DPYSL5: variants seen among roughly 807,000 people sequenced by gnomAD.
DPYSL5 encodes the protein dihydropyrimidinase like 5.
DPYSL5 carries 9 observed loss-of-function variants against 58.4 expected under a neutral mutation model. The observed-to-expected ratio is 0.15, with a 90% CI of 0.09 to 0.27. The LOEUF (loss-of-function observed/expected upper bound fraction) is 0.27, where lower values mean the gene tolerates loss of function less well. DPYSL5 is among the 10% of genes least tolerant of loss of function. The pLI is 1.00. For synonymous variants in DPYSL5, 293 were observed against 301.9 expected, an observed-to-expected ratio of 0.97 and a Z score of 0.31; for missense variants, 499 against 770.6, an observed-to-expected ratio of 0.65 and a Z score of 4.17.
intron 1 of DPYSL5, among the ~76,000 whole-genome samples, chr2:26,878,775 C>G (rs1373537852): frequency 3.3e-5 from 5 of 152,226 alleles, no homozygotes; most frequent in Non-Finnish European, 7.3e-5. Flanking sequence ...ACTTTCCACC[C>G]TCATGCATCC....
rs898069737 is a variant in DPYSL5 at position 26,942,550 on chromosome 2, T to A, written c.1240T>A (p.Ser414Thr). The stretch of plus-strand genomic sequence containing the variant: ...CCATTGCCTCCCCACCAGGACCATC[T>A]CAGCCAGCACGCAGGTCCAGGGAGG... ...VWDPEATKTISASTQVQGGDF... is the reference protein window; with the variant it reads ...VWDPEATKTITASTQVQGGDF... The change falls in exon 11 of 13, where the codon TCA becomes ACA. Residue 414 changes from serine to threonine, a missense_variant. By Grantham distance (58) the Ser-to-Thr change is moderately conservative. Coordinates refer to ENST00000288699, the MANE Select transcript of DPYSL5 (RefSeq NM_020134.4). This position sits in a 1 kb window ranked among gnomAD's most constrained non-coding sequence, Gnocchi z 5.9. 6.2e-7 allele frequency: 1 copy of A among 1,613,938 alleles called. No individual in the cohort carries two copies. Among genetic ancestry groups the A allele is most frequent in the Admixed American group, 1.7e-5 (1 of 60,004 alleles).
In DPYSL5 at chr2:26,933,979, C is replaced by T. The variant is rs567460068; in HGVS notation, c.791-599C>T. ...GGGCATCTCAGCCTTCAACTATAAT[C>T]GATCAGAAGCAAGGGCATCCTGGCC... On this transcript the variant is annotated intron_variant, in intron 7 of 12. Coordinates refer to ENST00000288699, the MANE Select transcript of DPYSL5 (RefSeq NM_020134.4). The surrounding 1 kb of genome is among the most constrained non-coding windows in gnomAD (Gnocchi z 4.2). 5.3e-5 allele frequency among the ~76,000 whole-genome samples: 8 copies of T among 152,186 alleles called. No individual in the cohort carries two copies. Among genetic ancestry groups the T allele is most frequent in the African/African-American group, 1.4e-4 (6 of 41,516 alleles).
chr2:26,879,320 G>T (rs1290701836), intron 1 of DPYSL5, among the ~76,000 whole-genome samples: 4 of 151,998 alleles, frequency 2.6e-5, no homozygotes, highest in Admixed American at 2.6e-4. Context: ...TTCAATACAT[G>T]AGAAAATAAA....
chr2:26,928,687 G>GTGTGTATATATATATA (rs143828804), intron 5 of DPYSL5, among the ~76,000 whole-genome samples: 2 of 60,708 alleles, frequency 3.3e-5, no homozygotes, highest in African/African-American at 5.9e-5. Context: ...AGGTGATAGA[G>GTGTGTATATATATATA]TATATATATA....
In DPYSL5 at chr2:26,888,506, A is replaced by C. The variant is rs142833407; in HGVS notation, c.-4-9990A>C. Among the ~76,000 whole-genome samples, 368 of 152,208 alleles carry C rather than the reference A, an allele frequency of 2.4e-3. 3 individuals carry two copies. Among genetic ancestry groups the C allele is most frequent in the African/African-American group, 8.6e-3 (358 of 41,530 alleles). On this transcript the variant is annotated intron_variant, in intron 1 of 12. Transcript: ENST00000288699. ...AGGATGGTCTCAAATTTCTGACCTC[A>C]GGTGATCCACCCACCTCGACCTCCC... is the stretch of plus-strand genomic sequence containing the variant.
chr2:26,936,458 G>A (rs76725965), intron 8 of DPYSL5, among the ~76,000 whole-genome samples: 3 of 152,188 alleles, frequency 2.0e-5, no homozygotes, highest in Non-Finnish European at 2.9e-5. Flanking sequence ...GAGTGCCATC[G>A]ATAGGGGCGT....
chr2:26,850,666 C>A (rs991343295), intron 1 of DPYSL5, among the ~76,000 whole-genome samples: 2 of 152,168 alleles, frequency 1.3e-5, no homozygotes, highest in Admixed American at 1.3e-4. Flanking sequence ...CTTAACCCAG[C>A]CTTGAAATCT....
chr2:26,915,323 C>G (rs1401511536), intron 2 of DPYSL5, among the ~76,000 whole-genome samples: 1 of 152,228 alleles, frequency 6.6e-6, no homozygotes, highest in African/African-American at 2.4e-5. Flanking sequence ...GAAACCAAAT[C>G]CAGGTCTGTC....
chr2:26,945,304 CT>C lies in DPYSL5; in HGVS notation c.1609+494del, dbSNP rs71401543. On this transcript the variant is annotated intron_variant, in intron 12 of 12. Coordinates refer to ENST00000288699, the MANE Select transcript of DPYSL5 (RefSeq NM_020134.4). Reference sequence around the variant, plus strand: ...CCCGCCTTTGCCTCACCTTCACCTTCTTTTTTTTTTTTTTACCAGGAATTGT... The same window carrying C: ...CCCGCCTTTGCCTCACCTTCACCTTCTTTTTTTTTTTTTACCAGGAATTGT... Among the ~76,000 whole-genome samples, 417 of 140,880 alleles carry C rather than the reference CT, an allele frequency of 3.0e-3. 2 individuals are homozygous for C. Among genetic ancestry groups the C allele is most frequent in the African/African-American group, 7.1e-3 (272 of 38,168 alleles). 92.4% of individuals were successfully genotyped at this position (140,880 alleles called of 152,430 possible). A position where few individuals can be genotyped will look rare whatever the true frequency, so the allele number is the denominator to read the frequency against.
At chr2:26,854,351 C>T (rs1665825836) in intron 1 of DPYSL5, among the ~76,000 whole-genome samples, 2 of 152,090 alleles carry the variant, frequency 1.3e-5, no homozygotes, top group Admixed American at 6.5e-5. Flanking sequence ...CCCAGCTACT[C>T]AGGAGGCTGA....
intron 2 of DPYSL5, among the ~76,000 whole-genome samples, chr2:26,915,428 G>A (rs1664537842): frequency 6.6e-6 from 1 of 152,172 alleles, no homozygotes; most frequent in Admixed American, 6.5e-5. Context: ...TAATGCAAAT[G>A]TCGCTCTGAG....
In DPYSL5 at chr2:26,924,880, T is replaced by C. The variant is rs1350254694; in HGVS notation, c.262-7T>C. 6.2e-7 allele frequency: 1 copy of C among 1,612,956 alleles called. No homozygotes were observed. The highest frequency in any genetic ancestry group is 8.5e-7 in the Non-Finnish European group (1 of 1,179,460). The stretch of plus-strand genomic sequence containing the variant: ...TGTGACGAGACTGCCTTTTCCCGTC[T>C]TCCCAGGCAGCACTCGTCGGAGGCA... On this transcript the variant is annotated splice_region_variant and splice_polypyrimidine_tract_variant and intron_variant, in intron 2 of 12. Transcript: ENST00000288699. This position sits in a 1 kb window ranked among gnomAD's most constrained non-coding sequence, Gnocchi z 4.7.
chr2:26,871,589 G>A (rs542443458), intron 1 of DPYSL5, among the ~76,000 whole-genome samples: 2 of 151,832 alleles, frequency 1.3e-5, no homozygotes, highest in African/African-American at 2.4e-5. Flanking sequence ...TTACAGTTGC[G>A]CACCACCACA....
At position 26,949,790 on chromosome 2, in the gene DPYSL5, C is replaced by G. The variant is rs1035637844; in HGVS notation, c.*2795C>G. 6.6e-6 allele frequency: 1 copy of G among 152,522 alleles called. No homozygotes were observed. Among genetic ancestry groups the G allele is most frequent in the Non-Finnish European group, 1.5e-5 (1 of 68,342 alleles). 9.4% of individuals were successfully genotyped at this position (152,522 alleles called of 1,614,324 possible). A position where few individuals can be genotyped will look rare whatever the true frequency, so the allele number is the denominator to read the frequency against. ...AGATTCAAGGAGCCAAATGAGCGGTCAGCCCCCACCATGCACTCCTTGCCC... is the reference window on the plus strand; with the variant it reads ...AGATTCAAGGAGCCAAATGAGCGGTGAGCCCCCACCATGCACTCCTTGCCC... On this transcript the variant is annotated 3_prime_UTR_variant, in exon 13 of 13. Transcript: ENST00000288699.
Position 26,923,258 on chromosome 2 carries a change from G to A in DPYSL5, c.262-1629G>A, listed in dbSNP as rs138663028. 8.8e-3 allele frequency among the ~76,000 whole-genome samples: 1,345 copies of A among 152,262 alleles called. 10 individuals are homozygous for A. Among genetic ancestry groups the A allele is most frequent in the African/African-American group, 0.03 (1,229 of 41,540 alleles). On this transcript the variant is annotated intron_variant, in intron 2 of 12. Transcript: ENST00000288699. The stretch of plus-strand genomic sequence containing the variant: ...AGGTGGGAGGATCACTTGAGCCCAG[G>A]AGTTTGAGGCTGCAGTGTGCTATGA...
At chr2:26,888,239 TTC>T (rs1225594457) in intron 1 of DPYSL5, among the ~76,000 whole-genome samples, 1 of 145,764 alleles carries the variant, frequency 6.9e-6, no homozygotes, top group African/African-American at 2.6e-5. Flanking sequence ...CTTTCTTTCT[TTC>T]TTTCTTTCTT....
At chr2:26,926,881 C>T (rs961354332) in intron 3 of DPYSL5, among the ~76,000 whole-genome samples, 1 of 152,156 alleles carries the variant, frequency 6.6e-6, no homozygotes, top group Non-Finnish European at 1.5e-5. Flanking sequence ...CATTAGTATG[C>T]CTTCTTTGTA....
chr2:26,934,766 G>A lies in DPYSL5; in HGVS notation c.947+32G>A. The A allele has an allele frequency of 1.2e-6, 2 of 1,611,706 alleles. No individual in the cohort carries two copies. Among genetic ancestry groups the A allele is most frequent in the Non-Finnish European group, 1.7e-6 (2 of 1,178,552 alleles). ...CGTTTCAGCAGCACATTGCAGGGAT[G>A]TGTACATCTTTAGGAAGACGTCATA... On this transcript the variant is annotated intron_variant, in intron 8 of 12. Transcript: ENST00000288699. The surrounding 1 kb of genome is among the most constrained non-coding windows in gnomAD (Gnocchi z 4.3).
At chr2:26,913,429 G>A (rs1020797250) in intron 2 of DPYSL5, among the ~76,000 whole-genome samples, 21 of 152,104 alleles carry the variant, frequency 1.4e-4, no homozygotes, top group African/African-American at 1.9e-4. Context: ...ATGTTGCAGC[G>A]GGTGTCAGAA....
Sources: gnomAD v4.1 joint callset for allele counts (sites outside exome capture counted in the v4.1 genomes callset) on GRCh38, gnomAD v4.1.1 for gene constraint, Gnocchi (gnomAD v3.1) non-coding constraint, MANE v1.5 for transcripts, NCBI Gene and HGNC (gene_info 2026-07-23, HGNC 2026-07-21) for gene names.